Variants in TXNL4A observed in about 807,000 individuals in gnomAD.
TXNL4A encodes thioredoxin like 4A.
Under a neutral mutation model 14.6 loss-of-function variants are expected in TXNL4A, and 17 were observed. That is an observed-to-expected ratio of 1.16 (90% CI 0.80 to 1.74). TXNL4A has a LOEUF of 1.74. Ranked by LOEUF, TXNL4A falls within the 40% of genes most tolerant of loss-of-function variation. TXNL4A has a pLI of 0.00. For missense variants in TXNL4A, 74 were observed against 195.2 expected, an observed-to-expected ratio of 0.38 and a Z score of 3.70; for synonymous variants, 83 against 70.6, an observed-to-expected ratio of 1.18 and a Z score of -0.88.
rs926461227 is a variant in TXNL4A, at chr18:79,985,042, C to T, written c.153+3198G>A. ...CAAAATGGAAAGACAGCTCAAAGGT[C>T]CATGAAATTGTCTCCTGTGACGGTG... is the stretch of plus-strand genomic sequence containing the variant. On this transcript the variant is annotated intron_variant, in intron 1 of 2. Transcript: ENST00000269601. Among the ~76,000 whole-genome samples the T allele has an allele frequency of 4.0e-5, 6 of 148,668 alleles. No homozygotes were observed. The South Asian group carries it at 1.3e-3, about 32-fold the overall frequency.
At chr18:80,008,287 T>C (rs763357799) in intron 1 of TXNL4A, among the ~76,000 whole-genome samples, 35 of 152,182 alleles carry the variant, frequency 2.3e-4, no homozygotes, top group African/African-American at 7.0e-4. Context: ...GGTCTGCTCT[T>C]TAAGTTCTAT....
chr18:80,019,430 A>G (rs1016197898), intron 1 of TXNL4A, among the ~76,000 whole-genome samples: 3 of 152,202 alleles, frequency 2.0e-5, no homozygotes, highest in Non-Finnish European at 4.4e-5. Flanking sequence ...CCATGATTCA[A>G]GTACCTCCCC....
chr18:79,994,685 A>G (rs941290687), intron 1 of TXNL4A, among the ~76,000 whole-genome samples: 4 of 151,988 alleles, frequency 2.6e-5, no homozygotes, highest in Non-Finnish European at 5.9e-5. Flanking sequence ...GGAGGCCAAC[A>G]AACAACTCAG....
chr18:79,992,117 G>A (rs1469005516), upstream of TXNL4A, among the ~76,000 whole-genome samples: 4 of 152,226 alleles, frequency 2.6e-5, no homozygotes, highest in Admixed American at 6.5e-5. Context: ...AGTCAGCTGT[G>A]CATCTGTCTC....
rs1048057235 is a variant in TXNL4A at position 79,980,128 on chromosome 18, C to G, written c.154-2427G>C. Among the ~76,000 whole-genome samples the G allele has an allele frequency of 4.6e-5, 7 of 152,120 alleles. No homozygotes were observed. In the South Asian group the frequency reaches 1.4e-3, roughly 31 times the overall value. ...CAGGGACAGGAGGCTCTGGGGGCATCGAGGACTGCAGAGGCGTCTACAAGC... is the reference window on the plus strand; with the variant it reads ...CAGGGACAGGAGGCTCTGGGGGCATGGAGGACTGCAGAGGCGTCTACAAGC... On this transcript the variant is annotated intron_variant, in intron 1 of 2. Transcript: ENST00000269601.
chr18:79,988,823 GGCCGCCCGCC>G (rs528954970), upstream of TXNL4A, among the ~76,000 whole-genome samples: 4 of 151,456 alleles, frequency 2.6e-5, no homozygotes, highest in East Asian at 2.0e-4. Flanking sequence ...CCCGCCCCGA[GGCCGCCCGCC>G]GCCGCCCGGG....
intron 1 of TXNL4A, among the ~76,000 whole-genome samples, chr18:80,030,322 C>T (rs1053026546): frequency 6.6e-6 from 1 of 152,226 alleles, no homozygotes; most frequent in Non-Finnish European, 1.5e-5. Context: ...TAATAAAGAA[C>T]AGGGCACTTG....
chr18:79,996,814 A>G (rs941028989), intron 1 of TXNL4A, among the ~76,000 whole-genome samples: 1 of 152,158 alleles, frequency 6.6e-6, no homozygotes, highest in African/African-American at 2.4e-5. Flanking sequence ...GTGGTAGCGC[A>G]TGCCTGTAAT....
chr18:79,986,196 C>T (rs966014085), intron 1 of TXNL4A, among the ~76,000 whole-genome samples: 5 of 152,084 alleles, frequency 3.3e-5, no homozygotes, highest in East Asian at 1.9e-4. Context: ...CGTGCCACCA[C>T]GCCCGGCATT....
intron 1 of TXNL4A, chr18:80,033,818 CG>C (rs1480554670): frequency 2.8e-5 from 4 of 141,178 alleles, no homozygotes; most frequent in Non-Finnish European, 6.3e-5. Context: ...GCCCCGCCCC[CG>C]TTGCCGCCCC....
At chr18:80,006,171 G>C (rs1279200464) in intron 1 of TXNL4A, among the ~76,000 whole-genome samples, 2 of 152,016 alleles carry the variant, frequency 1.3e-5, no homozygotes, top group Non-Finnish European at 2.9e-5. Context: ...GGATCACGAG[G>C]TCAGGAGTTC....
At chr18:79,989,218 G>C (rs933325106), upstream of TXNL4A, among the ~76,000 whole-genome samples, 1 of 152,058 alleles carries the variant, frequency 6.6e-6, no homozygotes, top group Non-Finnish European at 1.5e-5. Context: ...GGGGTCAAGC[G>C]CTTCTCCTGC....
chr18:80,022,667 C>T (rs1342113023), intron 1 of TXNL4A, among the ~76,000 whole-genome samples: 1 of 152,170 alleles, frequency 6.6e-6, no homozygotes, highest in Non-Finnish European at 1.5e-5. Flanking sequence ...TGGTTTGTTA[C>T]CCATCTAGAG....
chr18:79,978,072 C>G (rs1444918670), intron 1 of TXNL4A, among the ~76,000 whole-genome samples: 1 of 152,182 alleles, frequency 6.6e-6, no homozygotes, highest in Non-Finnish European at 1.5e-5. Flanking sequence ...CGGCTCCTTC[C>G]GCCTCACGCC....
intron 1 of TXNL4A, among the ~76,000 whole-genome samples, chr18:80,018,919 C>T (rs1221068994): frequency 6.6e-6 from 1 of 152,202 alleles, no homozygotes. Context: ...ACAAGAGTCA[C>T]CTTTGCTCCA....
chr18:80,008,831 GC>G (rs2051750206), intron 1 of TXNL4A, among the ~76,000 whole-genome samples: 2 of 152,176 alleles, frequency 1.3e-5, no homozygotes, highest in South Asian at 4.1e-4. Context: ...AGGCTGGAGT[GC>G]AGTGGCACGA....
intron 1 of TXNL4A, among the ~76,000 whole-genome samples, chr18:80,001,023 C>G (rs946758825): frequency 6.6e-6 from 1 of 152,252 alleles, no homozygotes; most frequent in Non-Finnish European, 1.5e-5. Context: ...CCTCCCATCA[C>G]AGGCCTGGAG....
chr18:79,987,626 A>C (rs1252269078), intron 1 of TXNL4A, among the ~76,000 whole-genome samples: 1 of 152,240 alleles, frequency 6.6e-6, no homozygotes, highest in Non-Finnish European at 1.5e-5. Context: ...TACAACTTTT[A>C]TTGTCAGCAA....
chr18:80,020,232 T>A (rs1294413645), intron 1 of TXNL4A, among the ~76,000 whole-genome samples: 1 of 152,182 alleles, frequency 6.6e-6, no homozygotes, highest in East Asian at 1.9e-4. Context: ...TGCACCACCA[T>A]TTGTTTACAC....
Sources: gnomAD v4.1 joint callset for allele counts (sites outside exome capture counted in the v4.1 genomes callset) on GRCh38, gnomAD v4.1.1 for gene constraint, MANE v1.5 for transcripts, NCBI Gene and HGNC (gene_info 2026-07-23, HGNC 2026-07-21) for gene names.